The following PRR11 variants were observed in gnomAD, a reference collection of about 807,000 sequenced individuals.
PRR11 encodes the protein proline-rich protein 11.
A neutral mutation model predicts 45.6 loss-of-function variants in PRR11; 30 were observed. The observed-to-expected ratio is 0.66, with a 90% CI of 0.49 to 0.89. The LOEUF (loss-of-function observed/expected upper bound fraction) is 0.89. Among genes scored for constraint, PRR11 ranks in the 40% least tolerant of loss-of-function variants. The pLI, the probability that PRR11 is intolerant of heterozygous loss-of-function variation, is 0.00. For synonymous variants in PRR11, 128 were observed against 153.5 expected, an observed-to-expected ratio of 0.83 and a Z score of 1.23; for missense variants, 373 against 424.8, an observed-to-expected ratio of 0.88 and a Z score of 1.07.
At chr17:59,182,380 C>G (rs1162119048) in intron 2 of PRR11, among the ~76,000 whole-genome samples, 1 of 142,428 alleles carries the variant, frequency 7.0e-6, no homozygotes, top group Non-Finnish European at 1.5e-5. Context: ...TTCCTGACCT[C>G]TGACCCTTCT....
intron 2 of PRR11, among the ~76,000 whole-genome samples, chr17:59,170,437 C>CT (rs1172660823): frequency 6.6e-6 from 1 of 151,704 alleles, no homozygotes; most frequent in Non-Finnish European, 1.5e-5. Context: ...GAGTCTTACT[C>CT]TGTCACTTAA....
chr17:59,167,709 G>A (rs1037069438), intron 1 of PRR11, among the ~76,000 whole-genome samples: 1 of 152,124 alleles, frequency 6.6e-6, no homozygotes, highest in Non-Finnish European at 1.5e-5. Flanking sequence ...ACTATATAGG[G>A]TAACTTCCAG....
chr17:59,179,134 G>C (rs1468170717), intron 2 of PRR11, among the ~76,000 whole-genome samples: 2 of 152,042 alleles, frequency 1.3e-5, no homozygotes, highest in Non-Finnish European at 2.9e-5. Context: ...TGAGTAGCTG[G>C]GATTACAGGC....
intron 4 of PRR11, 28 bp downstream of exon 4, chr17:59,185,590 C>A: frequency 1.3e-6 from 2 of 1,564,012 alleles, no homozygotes; most frequent in South Asian, 1.2e-5. Flanking sequence ...AAAAGCAAAT[C>A]TGGAATTAGG....
In PRR11 at chr17:59,180,468, C is replaced by T. The variant is rs191024061; in HGVS notation, c.129-4586C>T. On this transcript the variant is annotated intron_variant, in intron 2 of 9. Transcript: ENST00000262293. ...TTCTTCCCACACACCTCCTCAGGTG[C>T]TCCTTCCTGACTTCTGGGCCCGTCC... is the stretch of plus-strand genomic sequence containing the variant. Among the ~76,000 whole-genome samples, 249 of 148,650 alleles carry T rather than the reference C, an allele frequency of 1.7e-3. 8 individuals are homozygous for T. The highest frequency in any genetic ancestry group is 0.017 in the Admixed American group (248 of 14,968).
chr17:59,173,382 C>T (rs2046721940), intron 2 of PRR11, among the ~76,000 whole-genome samples: 1 of 152,230 alleles, frequency 6.6e-6, no homozygotes. Context: ...TGTTCTTTGG[C>T]ACTTTGCAAT....
chr17:59,181,400 G>A, intron 2 of PRR11: 2 of 811,424 alleles, frequency 2.5e-6, no homozygotes, highest in Non-Finnish European at 3.7e-6. Context: ...CCCGCATGGA[G>A]AGCTCACCCA....
chr17:59,199,048 C>T lies in PRR11; in HGVS notation c.1014+1259C>T, dbSNP rs145793081. On this transcript the variant is annotated intron_variant, in intron 9 of 9. Transcript: ENST00000262293. ...CTTTCAGTCTAGTGGGGAAAATAGG[C>T]ATTCATCAAATAATCCCATATTTGT... Among the ~76,000 whole-genome samples the T allele has an allele frequency of 1.5e-3, 222 of 152,210 alleles. 1 individual carries two copies. The highest frequency in any genetic ancestry group is 5.1e-3 in the African/African-American group (213 of 41,520).
At chr17:59,157,851 A>G (rs2046633658) in intron 1 of PRR11, among the ~76,000 whole-genome samples, 1 of 152,242 alleles carries the variant, frequency 6.6e-6, no homozygotes, top group Non-Finnish European at 1.5e-5. Flanking sequence ...AAGGCTAGGT[A>G]TAAGTTGACT....
At chr17:59,174,656 G>T (rs549948875) in intron 2 of PRR11, among the ~76,000 whole-genome samples, 6 of 152,088 alleles carry the variant, frequency 3.9e-5, no homozygotes, top group African/African-American at 1.4e-4. Flanking sequence ...GCTCGAAGCC[G>T]GATCAAGCAA....
At chr17:59,164,461 A>G (rs1650009149) in intron 1 of PRR11, among the ~76,000 whole-genome samples, 1 of 152,036 alleles carries the variant, frequency 6.6e-6, no homozygotes, top group Admixed American at 6.6e-5. Context: ...AGGCTGAGGT[A>G]GGAGGACTGC....
intron 4 of PRR11, among the ~76,000 whole-genome samples, chr17:59,188,424 A>G (rs545066209): frequency 3.9e-5 from 6 of 152,218 alleles, no homozygotes; most frequent in Non-Finnish European, 8.8e-5. Context: ...AATTTTGTAC[A>G]TATGTACAAA....
chr17:59,205,697 C>CAA lies in PRR11; in HGVS notation c.*4080_*4081dup, dbSNP rs1057003239. 3.5e-5 allele frequency among the ~76,000 whole-genome samples: 4 copies of CAA among 115,172 alleles called. No homozygotes were observed. Among genetic ancestry groups the CAA allele is most frequent in the Admixed American group, 8.9e-5 (1 of 11,250 alleles). The allele number at this position is 115,172 out of a possible 152,430, so 75.6% of individuals were successfully genotyped here. On this transcript the variant is annotated 3_prime_UTR_variant, in exon 10 of 10. Coordinates refer to ENST00000262293, the MANE Select transcript of PRR11 (RefSeq NM_018304.4). ...TTGAGCAACAAGAGCGAAACTGTCT[C>CAA]AAAAAAAAAAAAAAAGTATATGTTA... is the stretch of plus-strand genomic sequence containing the variant.
At chr17:59,181,538 G>T in intron 2 of PRR11, 1 of 1,192,888 alleles carries the variant, frequency 8.4e-7, no homozygotes, top group Non-Finnish European at 1.2e-6. Context: ...TCCTCATGGT[G>T]CTCAGGGAGC....
At chr17:59,176,809 G>T in intron 2 of PRR11, among the ~76,000 whole-genome samples, 1 of 141,832 alleles carries the variant, frequency 7.1e-6, no homozygotes, top group Non-Finnish European at 1.5e-5. Context: ...GGGTTCTCTT[G>T]CCTGAGCCTC....
rs772015805 is a variant in PRR11 at position 59,193,640 on chromosome 17, T to TTCCTCC, written c.561_566dup (p.Pro191_Pro192dup). On this transcript the variant is annotated inframe_insertion, in exon 5 of 10. Transcript: ENST00000262293. ...ACACTGCCACAGCCAGCCAGCCATT[T>TTCCTCC]TCCTCCTCCTCCTCCACCTCCACCT... 3 of 1,614,050 alleles carry TTCCTCC rather than the reference T, an allele frequency of 1.9e-6. No homozygotes were observed. The highest frequency in any genetic ancestry group is 4.5e-5 in the East Asian group (2 of 44,870).
At chr17:59,197,459 G>GACCA in intron 7 of PRR11, 85 bp from the exon 8 acceptor site, 1 of 1,255,688 alleles carries the variant, frequency 8.0e-7, no homozygotes, top group Admixed American at 1.8e-5. Context: ...CACCGTGTTA[G>GACCA]CAAGGATGGT....
intron 9 of PRR11, among the ~76,000 whole-genome samples, chr17:59,199,230 G>A (rs2046880783): frequency 6.6e-6 from 1 of 152,172 alleles, no homozygotes; most frequent in African/African-American, 2.4e-5. Context: ...GCATTTACTG[G>A]ATAGGGTAAC....
chr17:59,166,372 A>G (rs2046680429), intron 1 of PRR11, among the ~76,000 whole-genome samples: 1 of 152,220 alleles, frequency 6.6e-6, no homozygotes, highest in Admixed American at 6.5e-5. Context: ...AAAAGCAGCA[A>G]AGCCCTTCTG....
Sources: gnomAD v4.1 joint callset for allele counts (sites outside exome capture counted in the v4.1 genomes callset) on GRCh38, gnomAD v4.1.1 for gene constraint, MANE v1.5 for transcripts, NCBI Gene and HGNC (gene_info 2026-07-23, HGNC 2026-07-21) for gene names.